Variants in GOLGB1 observed in about 807,000 individuals in gnomAD.
GOLGB1 encodes golgin B1.
A neutral mutation model predicts 336.9 loss-of-function variants in GOLGB1; 174 were observed. The observed-to-expected ratio is 0.52, with a 90% confidence interval of 0.46 to 0.59. GOLGB1 has a LOEUF of 0.59. Ranked by LOEUF, GOLGB1 falls within the 20% of genes least tolerant of loss-of-function variation. The pLI is 0.00. For missense variants in GOLGB1, 3,331 were observed against 3,645.3 expected (o/e 0.91, Z 2.22); for synonymous variants, 1,208 against 1,289.2 (o/e 0.94, Z 1.35).
intron 20 of GOLGB1, among the ~76,000 whole-genome samples, chr3:121,666,831 G>A (rs991878578): frequency 8.5e-5 from 13 of 152,198 alleles, no homozygotes; most frequent in Non-Finnish European, 4.4e-5. Context: ...CTCATGCATA[G>A]TGATTCTTTT....
At chr3:121,709,518 A>G (rs1212892736) in intron 10 of GOLGB1, among the ~76,000 whole-genome samples, 1 of 152,220 alleles carries the variant, frequency 6.6e-6, no homozygotes, top group African/African-American at 2.4e-5. Context: ...TAAGATATCT[A>G]GAAATAAAAC....
In GOLGB1 at chr3:121,696,643, G is replaced by T; in HGVS notation, c.3880C>A (p.Pro1294Thr). Residue 1294 changes from proline (P) to threonine (T), a missense_variant, in exon 13 of 22, where the codon CCT becomes ACT. Physicochemically the swap from Pro to Thr is conservative, Grantham distance 38 (BLOSUM62 -1). Coordinates refer to ENST00000614479, the MANE Select transcript of GOLGB1 (RefSeq NM_001366282.2). ...VLESNLCPDWPSHSEDASALQ... is the reference protein window; with the variant it reads ...VLESNLCPDWTSHSEDASALQ... ...GCACTCGCATCTTCAGAATGAGAAG[G>T]CCAGTCTGGGCACAAGTTGGACTCT... 6.2e-7 allele frequency: 1 copy of T among 1,614,122 alleles called. No individual in the cohort carries two copies. Among genetic ancestry groups the T allele is most frequent in the South Asian group, 1.1e-5 (1 of 91,080 alleles).
In GOLGB1 at chr3:121,716,774, T is replaced by C. The variant is rs9832267; in HGVS notation, c.1251A>G (p.Gln417=). 0.74 allele frequency: 1,186,023 copies of C among 1,610,082 alleles called. 442,066 individuals carry two copies. Among genetic ancestry groups the C allele is most frequent in the East Asian group, 0.85 (38,211 of 44,810 alleles). ...GAATGGTCTGGGCTGACTGAACTGC[T>C]TGCTCATTCTTATCTTGGAGAAGCT... The part of the protein sequence containing the change: ...NSKLLQDKNE[Q]AVQSAQTIQQ... The change falls in exon 9 of 22, where the codon CAA becomes CAG. Residue 417 remains glutamine, a synonymous_variant. Coordinates refer to ENST00000614479, the MANE Select transcript of GOLGB1 (RefSeq NM_001366282.2).
chr3:121,693,348 C>A (rs1425902828), intron 13 of GOLGB1, among the ~76,000 whole-genome samples: 1 of 152,044 alleles, frequency 6.6e-6, no homozygotes, highest in African/African-American at 2.4e-5. Context: ...ATTAGCTGGG[C>A]GTGTTGGTAG....
rs149440215 is a variant in GOLGB1 at position 121,682,725 on chromosome 3, G to A, written c.8695-860C>T. On this transcript the variant is annotated intron_variant, in intron 14 of 21. Coordinates refer to ENST00000614479, the MANE Select transcript of GOLGB1 (RefSeq NM_001366282.2). ...CCTCTTTCACCCACTTAGAGACATC[G>A]CTAAAGCTAAAATAATAGCATTTTT... is the stretch of plus-strand genomic sequence containing the variant. Among the ~76,000 whole-genome samples the A allele has an allele frequency of 7.3e-4, 111 of 152,198 alleles. 4 individuals are homozygous for A. The East Asian group carries it at 0.017, about 24-fold the overall frequency.
rs762815388 is a variant in GOLGB1, at chr3:121,695,415, C to A, written c.5108G>T (p.Arg1703Leu). The A allele has an allele frequency of 6.2e-7, 1 of 1,614,004 alleles. No homozygotes were observed. The highest frequency in any genetic ancestry group is 2.2e-5 in the East Asian group (1 of 44,866). ...TGCAGGGTGCACCTCTGCCCTAAGC[C>A]GGTCATTCTCTTCTTCCAGCTCTAG... ...KILELEEENDRLRAEVHPAGD... is the reference protein window; with the variant it reads ...KILELEEENDLLRAEVHPAGD... Residue 1703 changes from arginine (R) to leucine (L), a missense_variant, in exon 13 of 22, where the codon CGG (arginine) becomes CTG (leucine). Arg to Leu is a moderately radical substitution (Grantham distance 102). Transcript: ENST00000614479.
At chr3:121,738,616 C>T (rs1465816056) in intron 1 of GOLGB1, among the ~76,000 whole-genome samples, 1 of 152,136 alleles carries the variant, frequency 6.6e-6, no homozygotes, top group African/African-American at 2.4e-5. Context: ...GAGGGGTCTT[C>T]CCATTCCAAT....
chr3:121,680,317 T>C (rs1405673715), intron 15 of GOLGB1, among the ~76,000 whole-genome samples: 2 of 152,218 alleles, frequency 1.3e-5, no homozygotes, highest in Non-Finnish European at 2.9e-5. Context: ...TCACTCATCA[T>C]ACCAAGAACC....
At chr3:121,701,908 CA>C (rs994629267) in intron 11 of GOLGB1, among the ~76,000 whole-genome samples, 4 of 151,904 alleles carry the variant, frequency 2.6e-5, no homozygotes, top group Non-Finnish European at 4.4e-5. Context: ...TATGGAAGCA[CA>C]AAAAAATCAT....
chr3:121,733,973 C>G (rs190502267), intron 1 of GOLGB1, among the ~76,000 whole-genome samples: 2 of 152,192 alleles, frequency 1.3e-5, no homozygotes, highest in Admixed American at 1.3e-4. Context: ...TTTTGTGACG[C>G]TGAATTTGGC....
chr3:121,696,239 A>G lies in GOLGB1; in HGVS notation c.4284T>C (p.Thr1428=), dbSNP rs1339442566. The G allele has an allele frequency of 1.9e-6, 3 of 1,614,038 alleles. No homozygotes were observed. The highest frequency in any genetic ancestry group is 1.3e-5 in the African/African-American group (1 of 75,022). The part of the protein sequence containing the change: ...GQLSEKEAAL[T]KIQTEIIEQE... ...GTTCTATTATCTCTGTCTGTATTTT[A>G]GTGAGAGCTGCTTCTTTCTCACTAA... The change falls in exon 13 of 22, where the codon ACT becomes ACC. Residue 1428 remains threonine, a synonymous_variant. Coordinates refer to ENST00000614479, the MANE Select transcript of GOLGB1 (RefSeq NM_001366282.2).
intron 10 of GOLGB1, among the ~76,000 whole-genome samples, chr3:121,706,527 G>C (rs552723452): frequency 1.6e-4 from 24 of 151,998 alleles, no homozygotes; most frequent in African/African-American, 5.3e-4. Context: ...CTTGAGACAA[G>C]AGTTCGAGAC....
intron 9 of GOLGB1, 103 bp from the exon 10 acceptor site, chr3:121,715,079 T>A (rs9854052): frequency 0.73 from 462,253 of 636,862 alleles, 170,439 homozygotes; most frequent in East Asian, 0.85. Flanking sequence ...TAGTTTAGTT[T>A]CCTTAGTTAA....
intron 14 of GOLGB1, among the ~76,000 whole-genome samples, chr3:121,683,892 G>T (rs1331801471): frequency 2.0e-5 from 3 of 151,908 alleles, no homozygotes; most frequent in Non-Finnish European, 4.4e-5. Context: ...CACTTTGGGG[G>T]GCCGAGGTGG....
chr3:121,667,682 T>G (rs1938832229), intron 19 of GOLGB1, 72 bp from the exon 20 acceptor site: 4 of 1,392,450 alleles, frequency 2.9e-6, no homozygotes, highest in Non-Finnish European at 4.0e-6. Flanking sequence ...GGATTCAAAG[T>G]CTTCATAAGG....
rs1304514884 is a variant in GOLGB1, at chr3:121,730,121, T to C, written c.97-104A>G. On this transcript the variant is annotated intron_variant, in intron 2 of 21. Coordinates refer to ENST00000614479, the MANE Select transcript of GOLGB1 (RefSeq NM_001366282.2). ...TTTATGTTTTGCCCAATTCATATTC[T>C]TGTTAACTTAAGAATCTAACTCTGA... 22 of 687,320 alleles carry C rather than the reference T, an allele frequency of 3.2e-5. No homozygotes were observed. The East Asian group carries it at 5.6e-4, about 18-fold the overall frequency. 42.6% of individuals were successfully genotyped at this position (687,320 alleles called of 1,614,324 possible). A position where few individuals can be genotyped will look rare whatever the true frequency, so the allele number is the denominator to read the frequency against.
intron 4 of GOLGB1, among the ~76,000 whole-genome samples, chr3:121,727,386 A>G (rs1216607401): frequency 7.2e-6 from 1 of 139,496 alleles, no homozygotes. Context: ...ACTGTGGACA[A>G]TATAGAAAAC....
At position 121,695,452 on chromosome 3, in the gene GOLGB1, G is replaced by C; in HGVS notation, c.5071C>G (p.Gln1691Glu). Reference protein sequence around the residue: ...EKMRKFAKSKQQKILELEEEN... With the variant: ...EKMRKFAKSKEQKILELEEEN... ...TCTTCCAGCTCTAGGATTTTCTGCTGTTTAGATTTAGCAAACTTTCTCATC... is the reference window on the plus strand; with the variant it reads ...TCTTCCAGCTCTAGGATTTTCTGCTCTTTAGATTTAGCAAACTTTCTCATC... The change falls in exon 13 of 22, where the codon CAG becomes GAG. Residue 1691 changes from glutamine (Q) to glutamate (E), a missense_variant. Coordinates refer to ENST00000614479, the MANE Select transcript of GOLGB1 (RefSeq NM_001366282.2). The C allele has an allele frequency of 1.9e-6, 3 of 1,614,030 alleles. No homozygotes were observed. The highest frequency in any genetic ancestry group is 2.5e-6 in the Non-Finnish European group (3 of 1,179,994).
rs373749091 is a variant in GOLGB1, at chr3:121,694,400, A to G, written c.6123T>C (p.Ser2041=). ...KDCIRYQEKI[S]ALERTVKALE... ...GAGCTTTAACAGTTCTCTCCAGAGC[A>G]CTAATTTTCTCTTGATACCTGATGC... Residue 2041 remains serine (S), a synonymous_variant, in exon 13 of 22, where the codon AGT becomes AGC. Transcript: ENST00000614479. 1.9e-6 allele frequency: 3 copies of G among 1,612,994 alleles called. No homozygotes were observed. The highest frequency in any genetic ancestry group is 2.5e-6 in the Non-Finnish European group (3 of 1,179,368).
Sources: gnomAD v4.1 joint callset for allele counts (sites outside exome capture counted in the v4.1 genomes callset) on GRCh38, gnomAD v4.1.1 for gene constraint, MANE v1.5 for transcripts, NCBI Gene and HGNC (gene_info 2026-07-23, HGNC 2026-07-21) for gene names.